The following ESCO1 variants were observed in gnomAD, a reference collection of about 807,000 sequenced individuals.
ESCO1 encodes the protein establishment of sister chromatid cohesion N-acetyltransferase 1.
Under a neutral mutation model 83.5 loss-of-function variants are expected in ESCO1, and 33 were observed. That is an observed-to-expected ratio of 0.40 (90% CI 0.30 to 0.53). The LOEUF is 0.53. Among genes scored for constraint, ESCO1 ranks in the 20% least tolerant of loss-of-function variants. ESCO1 has a pLI of 0.63. For missense variants in ESCO1, 855 were observed against 968.0 expected, an observed-to-expected ratio of 0.88 and a Z score of 1.55; for synonymous variants, 332 against 324.3, an observed-to-expected ratio of 1.02 and a Z score of -0.25.
intron 7 of ESCO1, among the ~76,000 whole-genome samples, chr18:21,563,269 A>T (rs1442918084): frequency 6.6e-6 from 1 of 152,226 alleles, no homozygotes; most frequent in Non-Finnish European, 1.5e-5. Context: ...AAAGTATCAC[A>T]ATTTGTTATA....
chr18:21,600,575 G>C (rs755856090), intron 1 of ESCO1, 48 bp downstream of exon 1: 13 of 152,408 alleles, frequency 8.5e-5, no homozygotes, highest in Admixed American at 8.5e-4. Context: ...GCTGGCAAAA[G>C]AGAGGTGAAG....
chr18:21,587,246 C>CT (rs2038594964), intron 1 of ESCO1, among the ~76,000 whole-genome samples: 1 of 152,132 alleles, frequency 6.6e-6, no homozygotes. Context: ...ACTGTGATGT[C>CT]TTTTTAGTAC....
intron 8 of ESCO1, among the ~76,000 whole-genome samples, chr18:21,555,096 AAACT>A (rs966618118): frequency 1.3e-4 from 20 of 152,252 alleles, no homozygotes; most frequent in East Asian, 3.9e-4. Flanking sequence ...ACTTCGTCTC[AAACT>A]AACTAACTAA....
chr18:21,530,576 T>A (rs1215793120), intron 11 of ESCO1, 86 bp from the exon 12 acceptor site: 6 of 1,297,430 alleles, frequency 4.6e-6, no homozygotes, highest in Non-Finnish European at 6.2e-6. Context: ...TGGAATAACC[T>A]GTCAAATACA....
At chr18:21,535,479 T>C (rs2037824612) in intron 10 of ESCO1, among the ~76,000 whole-genome samples, 1 of 151,090 alleles carries the variant, frequency 6.6e-6, no homozygotes, top group South Asian at 2.1e-4. Flanking sequence ...GCCTCCCGGG[T>C]TCAAGCGATT....
At position 21,544,473 on chromosome 18, in the gene ESCO1, A is replaced by C. The variant is rs187807460; in HGVS notation, c.1954-4464T>G. Among the ~76,000 whole-genome samples, 419 of 151,022 alleles carry C rather than the reference A, an allele frequency of 2.8e-3. 1 individual carries two copies. The highest frequency in any genetic ancestry group is 9.5e-3 in the African/African-American group (392 of 41,124). The stretch of plus-strand genomic sequence containing the variant: ...AATACAAAAAAAAAACAAAAAAAAA[A>C]CAAAAACTAGACAAGCGTGGTGGCA... On this transcript the variant is annotated intron_variant, in intron 8 of 11. Transcript: ENST00000269214.
chr18:21,537,241 C>T (rs902368336), intron 9 of ESCO1, among the ~76,000 whole-genome samples: 3 of 152,184 alleles, frequency 2.0e-5, no homozygotes, highest in Admixed American at 6.5e-5. Context: ...CCATTAGTTC[C>T]TTCCCCAGTT....
chr18:21,566,303 A>G (rs1252459001), intron 5 of ESCO1, 97 bp from the exon 6 acceptor site: 1 of 1,027,002 alleles, frequency 9.7e-7, no homozygotes, highest in Non-Finnish European at 1.4e-6. Context: ...AAAACCTTCA[A>G]TGCATTAAAT....
chr18:21,569,414 C>G (rs1469528345), intron 4 of ESCO1, among the ~76,000 whole-genome samples: 2 of 151,912 alleles, frequency 1.3e-5, no homozygotes, highest in African/African-American at 4.8e-5. Context: ...CTGGCCAACA[C>G]AGTGAAACCC....
chr18:21,553,449 T>TA (rs59086552), intron 8 of ESCO1, among the ~76,000 whole-genome samples: 14 of 117,564 alleles, frequency 1.2e-4, no homozygotes, highest in African/African-American at 4.2e-4. Flanking sequence ...CTATTTTTAT[T>TA]AAAAAAAAAA....
intron 5 of ESCO1, among the ~76,000 whole-genome samples, chr18:21,567,007 CAAT>C (rs1162552940): frequency 3.3e-5 from 5 of 152,172 alleles, no homozygotes; most frequent in Non-Finnish European, 5.9e-5. Context: ...TAAATCATGT[CAAT>C]GATTATCCGA....
At chr18:21,571,458 G>C (rs2038340303) in intron 4 of ESCO1, among the ~76,000 whole-genome samples, 1 of 152,074 alleles carries the variant, frequency 6.6e-6, no homozygotes. Flanking sequence ...CAAAAGTCCT[G>C]GGATTAAAGG....
intron 1 of ESCO1, among the ~76,000 whole-genome samples, chr18:21,585,797 T>C (rs1278123239): frequency 6.6e-6 from 1 of 152,106 alleles, no homozygotes; most frequent in African/African-American, 2.4e-5. Flanking sequence ...CTCCCTGTGT[T>C]GCCCAAGCTG....
intron 2 of ESCO1, among the ~76,000 whole-genome samples, chr18:21,582,238 T>C (rs1309299781): frequency 6.6e-6 from 1 of 152,120 alleles, no homozygotes; most frequent in African/African-American, 2.4e-5. Context: ...AAATCTTTTT[T>C]TTTTTTTTGA....
chr18:21,558,387 T>A (rs1022873219), intron 8 of ESCO1, among the ~76,000 whole-genome samples: 9 of 151,952 alleles, frequency 5.9e-5, no homozygotes, highest in African/African-American at 2.2e-4. Flanking sequence ...CTAGAAAAAA[T>A]TTTTACCCAA....
rs774375617 is a variant in ESCO1, at chr18:21,572,856, C to A, written c.1530+458G>T. On this transcript the variant is annotated intron_variant, in intron 4 of 11. Coordinates refer to ENST00000269214, the MANE Select transcript of ESCO1 (RefSeq NM_052911.3). ...ATGCATGCCTGTAATCCCAGCTACTCGGGAGGCTGAGGCTAGAGAATGGCT... is the reference window on the plus strand; with the variant it reads ...ATGCATGCCTGTAATCCCAGCTACTAGGGAGGCTGAGGCTAGAGAATGGCT... Among the ~76,000 whole-genome samples, 45 of 151,526 alleles carry A rather than the reference C, an allele frequency of 3.0e-4. 1 individual carries two copies. The highest frequency in any genetic ancestry group is 2.8e-3 in the Admixed American group (42 of 15,186).
At chr18:21,567,151 A>AT (rs1304073958) in intron 5 of ESCO1, among the ~76,000 whole-genome samples, 1 of 151,166 alleles carries the variant, frequency 6.6e-6, no homozygotes, top group African/African-American at 2.4e-5. Flanking sequence ...AGTTCAAATA[A>AT]TTTTTTTTTC....
chr18:21,550,826 G>A (rs370099021), intron 8 of ESCO1, among the ~76,000 whole-genome samples: 8 of 152,190 alleles, frequency 5.3e-5, no homozygotes, highest in Non-Finnish European at 8.8e-5. Flanking sequence ...GAAAAAGCAC[G>A]TGTTGGCCGG....
intron 1 of ESCO1, among the ~76,000 whole-genome samples, chr18:21,591,979 G>GT (rs2038677284): frequency 6.6e-6 from 1 of 151,706 alleles, no homozygotes; most frequent in African/African-American, 2.4e-5. Context: ...AGAGCACAGG[G>GT]TTGGGGGGTA....
Sources: gnomAD v4.1 joint callset for allele counts (sites outside exome capture counted in the v4.1 genomes callset) on GRCh38, gnomAD v4.1.1 for gene constraint, MANE v1.5 for transcripts, NCBI Gene and HGNC (gene_info 2026-07-23, HGNC 2026-07-21) for gene names.